DAB1: variants seen among roughly 807,000 people sequenced by gnomAD.
DAB1 encodes disabled homolog 1.
In DAB1, 15 loss-of-function variants were observed where a neutral mutation model predicts 64.6. The observed-to-expected ratio is 0.23, with a 90% CI of 0.16 to 0.36. The LOEUF (loss-of-function observed/expected upper bound fraction) is 0.36. Among genes scored for constraint, DAB1 ranks in the 10% least tolerant of loss-of-function variants. The pLI, the probability that DAB1 is intolerant of heterozygous loss-of-function variation, is 1.00. For synonymous variants in DAB1, 235 were observed against 251.9 expected (o/e 0.93, Z 0.64); for missense variants, 596 against 706.7 (o/e 0.84, Z 1.78).
chr1:57,853,800 G>T (rs1653636987), intron 1 of DAB1, among the ~76,000 whole-genome samples: 1 of 152,148 alleles, frequency 6.6e-6, no homozygotes. Flanking sequence ...TGTTGGGCCA[G>T]ATGAATGGTA....
intron 2 of DAB1, among the ~76,000 whole-genome samples, chr1:58,518,994 A>G (rs1210354794): frequency 6.6e-6 from 1 of 152,210 alleles, no homozygotes; most frequent in Non-Finnish European, 1.5e-5. Context: ...CAGATTCTCA[A>G]ACTTGGCAGT....
At chr1:58,113,810 G>T (rs1023859089) in intron 5 of DAB1, among the ~76,000 whole-genome samples, 1 of 152,142 alleles carries the variant, frequency 6.6e-6, no homozygotes, top group Non-Finnish European at 1.5e-5. Flanking sequence ...GGAGTTTTGT[G>T]TACAGCTCTG....
intron 4 of DAB1, among the ~76,000 whole-genome samples, chr1:57,124,945 C>T (rs1656998881): frequency 6.6e-6 from 1 of 151,864 alleles, no homozygotes; most frequent in African/African-American, 2.4e-5. Context: ...ACCCCCCAAC[C>T]CCGGCCTCAT....
chr1:57,479,220 A>G (rs1291768076), intron 7 of DAB1, among the ~76,000 whole-genome samples: 1 of 152,000 alleles, frequency 6.6e-6, no homozygotes, highest in Admixed American at 6.6e-5. Flanking sequence ...GAATAGGGAG[A>G]AGTGGTAAAA....
At chr1:58,479,071 T>C (rs191885742) in intron 3 of DAB1, among the ~76,000 whole-genome samples, 33 of 152,362 alleles carry the variant, frequency 2.2e-4, no homozygotes, top group African/African-American at 7.5e-4. Flanking sequence ...ATCTCTGCTC[T>C]TTCTGACATG....
intron 3 of DAB1, among the ~76,000 whole-genome samples, chr1:58,388,348 T>A (rs981315974): frequency 9.2e-5 from 14 of 152,188 alleles, no homozygotes; most frequent in Non-Finnish European, 5.9e-5. Context: ...AGCCAATAGA[T>A]GTTAAGTAAA....
intron 2 of DAB1, among the ~76,000 whole-genome samples, chr1:57,225,483 C>T (rs1032013778): frequency 7.2e-5 from 11 of 152,164 alleles, no homozygotes; most frequent in Admixed American, 5.9e-4. Context: ...CCCACCCATG[C>T]CACCAAAGAC....
chr1:58,139,972 C>A (rs1008574800), intron 5 of DAB1, among the ~76,000 whole-genome samples: 2 of 152,164 alleles, frequency 1.3e-5, no homozygotes, highest in African/African-American at 2.4e-5. Context: ...CATCTTCATT[C>A]TCTCAAGGAT....
At chr1:57,532,953 T>G (rs904137622) in intron 7 of DAB1, among the ~76,000 whole-genome samples, 10 of 152,162 alleles carry the variant, frequency 6.6e-5, no homozygotes, top group Admixed American at 5.2e-4. Context: ...TATCTACCAT[T>G]ATCCCTATTT....
At chr1:58,356,629 C>A (rs1644114134) in intron 3 of DAB1, among the ~76,000 whole-genome samples, 1 of 151,996 alleles carries the variant, frequency 6.6e-6, no homozygotes, top group Admixed American at 6.6e-5. Context: ...GGAGGAAGGC[C>A]CTGTGGGTGG....
chr1:57,953,044 G>A (rs565714254), intron 5 of DAB1, among the ~76,000 whole-genome samples: 18 of 152,156 alleles, frequency 1.2e-4, no homozygotes, highest in Non-Finnish European at 2.2e-4. Context: ...TGTGATGGTG[G>A]CTCCCATGGA....
chr1:57,398,033 C>T (rs1220594270), intron 1 of DAB1, among the ~76,000 whole-genome samples: 1 of 152,168 alleles, frequency 6.6e-6, no homozygotes, highest in East Asian at 1.9e-4. Flanking sequence ...TCTCCCAATT[C>T]CTGGTAAAAT....
At chr1:57,923,685 C>T (rs528101776) in intron 5 of DAB1, among the ~76,000 whole-genome samples, 2 of 152,300 alleles carry the variant, frequency 1.3e-5, no homozygotes, top group South Asian at 2.1e-4. Context: ...GCCTGTGTCT[C>T]AATGTTGTCG....
chr1:58,470,009 T>C (rs1645338669), intron 3 of DAB1, among the ~76,000 whole-genome samples: 1 of 151,942 alleles, frequency 6.6e-6, no homozygotes, highest in Non-Finnish European at 1.5e-5. Context: ...AATCATCTCA[T>C]TTACTCTTCA....
intron 4 of DAB1, among the ~76,000 whole-genome samples, chr1:58,166,037 G>T (rs962590999): frequency 4.6e-5 from 7 of 152,074 alleles, no homozygotes; most frequent in African/African-American, 1.7e-4. Context: ...TCAGCTTCAG[G>T]GCCTGGATTC....
At chr1:57,796,395 C>G (rs370086211) in intron 6 of DAB1, among the ~76,000 whole-genome samples, 2 of 151,972 alleles carry the variant, frequency 1.3e-5, no homozygotes, top group East Asian at 3.9e-4. Context: ...GGCATGGTGG[C>G]AGGCGCCTGT....
At chr1:57,911,349 G>A (rs1461257457) in intron 5 of DAB1, among the ~76,000 whole-genome samples, 1 of 152,146 alleles carries the variant, frequency 6.6e-6, no homozygotes, top group African/African-American at 2.4e-5. Context: ...TTGCATGGTG[G>A]CTTTTGCTTA....
At chr1:58,526,067 T>C (rs538645659) in intron 2 of DAB1, among the ~76,000 whole-genome samples, 2 of 152,126 alleles carry the variant, frequency 1.3e-5, no homozygotes, top group South Asian at 4.1e-4. Flanking sequence ...TTATTAGAAA[T>C]AAAGCAGGAA....
At chr1:58,496,676 T>C (rs1279234880) in intron 3 of DAB1, among the ~76,000 whole-genome samples, 1 of 152,208 alleles carries the variant, frequency 6.6e-6, no homozygotes, top group African/African-American at 2.4e-5. Context: ...ATTTTTCCTT[T>C]CAACTCTGTT....
Sources: allele counts gnomAD v4.1 joint callset (sites outside exome capture counted in the v4.1 genomes callset), GRCh38; gene constraint gnomAD v4.1.1; transcripts MANE v1.5; gene names NCBI Gene and HGNC (gene_info 2026-07-23, HGNC 2026-07-21).